The following PIK3CG variants were observed in gnomAD, a reference collection of about 807,000 sequenced individuals.
PIK3CG encodes phosphatidylinositol 4,5-bisphosphate 3-kinase catalytic subunit gamma isoform.
PIK3CG carries 55 observed loss-of-function variants against 102.3 expected under a neutral mutation model. The observed-to-expected ratio is 0.54, with a 90% CI of 0.43 to 0.67. The LOEUF is 0.67. Ranked by LOEUF, PIK3CG falls within the 30% of genes least tolerant of loss-of-function variation. The probability of loss-of-function intolerance (pLI) is 0.00; values close to 1 mark genes in which losing one functional copy is unlikely to be tolerated. For missense variants in PIK3CG, 1,258 were observed against 1,391.8 expected, an observed-to-expected ratio of 0.90 and a Z score of 1.53; for synonymous variants, 552 against 540.0, an observed-to-expected ratio of 1.02 and a Z score of -0.31.
chr7:106,893,869 G>C lies in PIK3CG; in HGVS notation c.3030+7577G>C, dbSNP rs970480257. 2.0e-5 allele frequency among the ~76,000 whole-genome samples: 3 copies of C among 152,140 alleles called. No homozygotes were observed. The East Asian group carries it at 5.8e-4, about 29-fold the overall frequency. Reference sequence around the variant, plus strand: ...AGTCTTCCACACACCTAGGCTATATGATATAGCCTATTGCTCCCAGGCTCC... The same window carrying C: ...AGTCTTCCACACACCTAGGCTATATCATATAGCCTATTGCTCCCAGGCTCC... On this transcript the variant is annotated intron_variant, in intron 10 of 10. Coordinates refer to ENST00000496166, the MANE Select transcript of PIK3CG (RefSeq NM_001282426.2). This position sits in a 1 kb window ranked among gnomAD's most constrained non-coding sequence, Gnocchi z 4.4.
rs549574394 is a variant in PIK3CG, at chr7:106,904,330, GTTTTC to G, written c.3031-775_3031-771del. ...AATATATATATAATCACTAACTTTA[GTTTTC>G]TTTAATATACTATCTTTGTCAAGTT... On this transcript the variant is annotated intron_variant, in intron 10 of 10. Coordinates refer to ENST00000496166, the MANE Select transcript of PIK3CG (RefSeq NM_001282426.2). 1.2e-3 allele frequency among the ~76,000 whole-genome samples: 185 copies of G among 152,090 alleles called. 1 individual carries two copies. Among genetic ancestry groups the G allele is most frequent in the African/African-American group, 4.2e-3 (175 of 41,486 alleles).
rs1396145798 is a variant in PIK3CG, at chr7:106,867,781, G to T, written c.220G>T (p.Val74Leu). ...HGNVEQMKAQVWLRALETSVA... is the reference protein window; with the variant it reads ...HGNVEQMKAQLWLRALETSVA... ...CAACGTGGAGCAGATGAAGGCCCAG[G>T]TGTGGCTGCGAGCGCTGGAGACCAG... The change falls in exon 2 of 11, where the codon GTG becomes TTG. Residue 74 changes from valine (V) to leucine (L), a missense_variant. By Grantham distance (32) the Val-to-Leu change is conservative. This residue lies in a region of PIK3CG where 832 missense variants were observed against 787.5 expected (regional missense o/e 1.06). Coordinates refer to ENST00000496166, the MANE Select transcript of PIK3CG (RefSeq NM_001282426.2). This position sits in a 1 kb window ranked among gnomAD's most constrained non-coding sequence, Gnocchi z 5.1. The T allele has an allele frequency of 1.2e-6, 2 of 1,612,694 alleles. No homozygotes were observed. The highest frequency in any genetic ancestry group is 1.1e-5 in the South Asian group (1 of 91,084).
Position 106,867,942 on chromosome 7 carries a change from C to G in PIK3CG, c.381C>G (p.Ala127=), listed in dbSNP as rs2116426243. ...TGGACTGCCTGCGCTACTGGAAGGCCACGCACCGGAGCCCGGGCCAGATCC... is the reference window on the plus strand; with the variant it reads ...TGGACTGCCTGCGCTACTGGAAGGCGACGCACCGGAGCCCGGGCCAGATCC... ...QTLDCLRYWK[A]THRSPGQIHL... is the part of the protein sequence containing the mutation. Residue 127 remains alanine (A), a synonymous_variant, in exon 2 of 11, where the codon GCC becomes GCG. Coordinates refer to ENST00000496166, the MANE Select transcript of PIK3CG (RefSeq NM_001282426.2). The surrounding 1 kb of genome is among the most constrained non-coding windows in gnomAD (Gnocchi z 5.1). 6.2e-7 allele frequency: 1 copy of G among 1,613,186 alleles called. No individual in the cohort carries two copies. Among genetic ancestry groups the G allele is most frequent in the Non-Finnish European group, 8.5e-7 (1 of 1,179,898 alleles).
intron 10 of PIK3CG, among the ~76,000 whole-genome samples, chr7:106,900,915 T>G (rs751769600): frequency 6.6e-6 from 1 of 152,112 alleles, no homozygotes; most frequent in Non-Finnish European, 1.5e-5. Flanking sequence ...AGGGTTTCAG[T>G]GGAGAGGTCC....
At chr7:106,889,201 C>G (rs1465251116) in intron 10 of PIK3CG, among the ~76,000 whole-genome samples, 1 of 152,180 alleles carries the variant, frequency 6.6e-6, no homozygotes, top group Non-Finnish European at 1.5e-5. Context: ...TCTGCTTACT[C>G]TCTCCCTGTG....
rs751951313 is a variant in PIK3CG, at chr7:106,868,545, C to T, written c.984C>T (p.Asp328=). The T allele has an allele frequency of 1.9e-6, 3 of 1,614,034 alleles. No individual in the cohort carries two copies. The highest frequency in any genetic ancestry group is 3.3e-5 in the Admixed American group (2 of 60,014). ...VRKEEWPLVD[D]CTGVTGYHEQ... ...AGGAAGAGTGGCCACTGGTGGATGACTGCACGGGAGTCACCGGCTACCATG... is the reference window on the plus strand; with the variant it reads ...AGGAAGAGTGGCCACTGGTGGATGATTGCACGGGAGTCACCGGCTACCATG... The change falls in exon 2 of 11, where the codon GAC becomes GAT. Residue 328 remains aspartate, a synonymous_variant. Coordinates refer to ENST00000496166, the MANE Select transcript of PIK3CG (RefSeq NM_001282426.2). The surrounding 1 kb of genome is among the most constrained non-coding windows in gnomAD (Gnocchi z 6.2).
intron 9 of PIK3CG, among the ~76,000 whole-genome samples, chr7:106,885,563 T>C (rs887428954): frequency 3.9e-5 from 6 of 152,064 alleles, no homozygotes; most frequent in African/African-American, 1.2e-4. Flanking sequence ...ACAATAGAAA[T>C]GATAAAGGGC....
chr7:106,872,671 C>T lies in PIK3CG; in HGVS notation c.2062-42C>T, dbSNP rs2116484038. 6.3e-7 allele frequency: 1 copy of T among 1,588,846 alleles called. No individual in the cohort carries two copies. Among genetic ancestry groups the T allele is most frequent in the Non-Finnish European group, 8.6e-7 (1 of 1,156,868 alleles). ...CAAGAATTAACTGGTAGACCTAAAG[C>T]ATTAGTCATAATAATTTCAACTTTC... On this transcript the variant is annotated intron_variant, in intron 3 of 10. Coordinates refer to ENST00000496166, the MANE Select transcript of PIK3CG (RefSeq NM_001282426.2). The surrounding 1 kb of genome is among the most constrained non-coding windows in gnomAD (Gnocchi z 5.3).
In PIK3CG at chr7:106,883,290, C is replaced by T. The variant is rs1246744122; in HGVS notation, c.2760+127C>T. On this transcript the variant is annotated intron_variant, in intron 8 of 10. Coordinates refer to ENST00000496166, the MANE Select transcript of PIK3CG (RefSeq NM_001282426.2). The surrounding 1 kb of genome is among the most constrained non-coding windows in gnomAD (Gnocchi z 5.8). ...CCTGACATATTAGTGAAGTTTTTTA[C>T]TTGTGAAATAATGGAGGTTTTAAGT... The T allele has an allele frequency of 1.0e-6, 1 of 973,764 alleles. No individual in the cohort carries two copies. The highest frequency in any genetic ancestry group is 1.6e-5 in the African/African-American group (1 of 60,984). The allele number at this position is 973,764 out of a possible 1,614,324, so 60.3% of individuals were successfully genotyped here. A position where few individuals can be genotyped will look rare whatever the true frequency, so the allele number is the denominator to read the frequency against.
In PIK3CG at chr7:106,886,194, A is replaced by G; in HGVS notation, c.2932A>G (p.Ile978Val). The G allele has an allele frequency of 6.2e-7, 1 of 1,614,146 alleles. No individual in the cohort carries two copies. Among genetic ancestry groups the G allele is most frequent in the Non-Finnish European group, 8.5e-7 (1 of 1,179,974 alleles). Residue 978 changes from isoleucine (I) to valine (V), a missense_variant, in exon 10 of 11, where the codon ATT (isoleucine) becomes GTT (valine). Physicochemically the swap from Ile to Val is conservative, Grantham distance 29 (BLOSUM62 3). This residue lies in a region of PIK3CG where 426 missense variants were observed against 604.2 expected (regional missense o/e 0.71). Transcript: ENST00000496166. ...ILGNYKSFLG[I>V]NKERVPFVLT... ...TGGGAATTACAAAAGTTTCCTGGGC[A>G]TTAATAAAGAGAGAGTGCCATTTGT...
In PIK3CG at chr7:106,867,445, T is replaced by G; in HGVS notation, c.-12-105T>G. ...AAAATACTTGGTCCCTCTGGGTCCC[T>G]GTGCACATGTACGCCGCCTATACCT... On this transcript the variant is annotated intron_variant, in intron 1 of 10. Transcript: ENST00000496166. This position sits in a 1 kb window ranked among gnomAD's most constrained non-coding sequence, Gnocchi z 5.1. 2 of 1,024,658 alleles carry G rather than the reference T, an allele frequency of 2.0e-6. No homozygotes were observed. Among genetic ancestry groups the G allele is most frequent in the Non-Finnish European group, 2.9e-6 (2 of 691,882 alleles). 63.5% of individuals were successfully genotyped at this position (1,024,658 alleles called of 1,614,324 possible). A position where few individuals can be genotyped will look rare whatever the true frequency, so the allele number is the denominator to read the frequency against.
rs891937890 is a variant in PIK3CG, at chr7:106,872,494, C to G, written c.1996-43C>G. ...CATTTCCTTTTCCCTGATTCAACGA[C>G]ATAGAGTACAGTCCTACAAATGCCA... On this transcript the variant is annotated intron_variant, in intron 2 of 10. Coordinates refer to ENST00000496166, the MANE Select transcript of PIK3CG (RefSeq NM_001282426.2). The surrounding 1 kb of genome is among the most constrained non-coding windows in gnomAD (Gnocchi z 5.3). 2.0e-6 allele frequency: 3 copies of G among 1,472,236 alleles called. No individual in the cohort carries two copies. The African/African-American group carries it at 4.1e-5, about 20-fold the overall frequency. 91.2% of individuals were successfully genotyped at this position (1,472,236 alleles called of 1,614,324 possible).
rs1024580338 is a variant in PIK3CG, at chr7:106,893,867, A to G, written c.3030+7575A>G. ...GTAGTCTTCCACACACCTAGGCTAT[A>G]TGATATAGCCTATTGCTCCCAGGCT... is the stretch of plus-strand genomic sequence containing the variant. On this transcript the variant is annotated intron_variant, in intron 10 of 10. Coordinates refer to ENST00000496166, the MANE Select transcript of PIK3CG (RefSeq NM_001282426.2). The surrounding 1 kb of genome is among the most constrained non-coding windows in gnomAD (Gnocchi z 4.4). Among the ~76,000 whole-genome samples, 1 of 152,194 alleles carries G rather than the reference A, an allele frequency of 6.6e-6. No individual in the cohort carries two copies. The highest frequency in any genetic ancestry group is 2.4e-5 in the African/African-American group (1 of 41,458).
At chr7:106,886,402 C>A (rs41276178) in intron 10 of PIK3CG, 110 bp downstream of exon 10, 1 of 1,016,864 alleles carries the variant, frequency 9.8e-7, no homozygotes, top group Non-Finnish European at 1.4e-6. Flanking sequence ...CCAGCCTCTA[C>A]CCCTACCCTC....
chr7:106,874,288 A>C lies in PIK3CG; in HGVS notation c.2288-412A>C, dbSNP rs1312082006. The stretch of plus-strand genomic sequence containing the variant: ...TCTGAAAAGAAATTACAGAACCCTA[A>C]CCAAATTCCATGTATTATTTTCTTA... On this transcript the variant is annotated intron_variant, in intron 4 of 10. Coordinates refer to ENST00000496166, the MANE Select transcript of PIK3CG (RefSeq NM_001282426.2). This position sits in a 1 kb window ranked among gnomAD's most constrained non-coding sequence, Gnocchi z 4.3. Among the ~76,000 whole-genome samples, 1 of 152,206 alleles carries C rather than the reference A, an allele frequency of 6.6e-6. No individual in the cohort carries two copies. The highest frequency in any genetic ancestry group is 2.4e-5 in the African/African-American group (1 of 41,450).
At chr7:106,876,898 AT>A (rs1790765598) in intron 5 of PIK3CG, among the ~76,000 whole-genome samples, 1 of 152,118 alleles carries the variant, frequency 6.6e-6, no homozygotes, top group Non-Finnish European at 1.5e-5. Flanking sequence ...TTAGTGTCTT[AT>A]CTAAGAAATC....
rs900306714 is a variant in PIK3CG, at chr7:106,878,961, C to A, written c.2392-558C>A. On this transcript the variant is annotated intron_variant, in intron 5 of 10. Transcript: ENST00000496166. ...TATGTTTAAGTGAGTAACTGCCAAG[C>A]CACATTTCCCCTGCCTTGAATTTAT... Among the ~76,000 whole-genome samples the A allele has an allele frequency of 3.9e-5, 6 of 152,286 alleles. No individual in the cohort carries two copies. The East Asian group carries it at 7.7e-4, about 20-fold the overall frequency.
At position 106,890,803 on chromosome 7, in the gene PIK3CG, C is replaced by T. The variant is rs575848856; in HGVS notation, c.3030+4511C>T. On this transcript the variant is annotated intron_variant, in intron 10 of 10. Transcript: ENST00000496166. This position sits in a 1 kb window ranked among gnomAD's most constrained non-coding sequence, Gnocchi z 4.2. Reference sequence around the variant, plus strand: ...CCCTGTGTGAGGCTGTCCCTCCAGCCTCATGCCACACTGTTCCCCTCATCT... The same window carrying T: ...CCCTGTGTGAGGCTGTCCCTCCAGCTTCATGCCACACTGTTCCCCTCATCT... 7.9e-4 allele frequency among the ~76,000 whole-genome samples: 121 copies of T among 152,340 alleles called. No individual in the cohort carries two copies. Among genetic ancestry groups the T allele is most frequent in the East Asian group, 7.7e-4 (4 of 5,178 alleles).
At chr7:106,873,622 C>T (rs1790615262) in intron 4 of PIK3CG, among the ~76,000 whole-genome samples, 1 of 152,166 alleles carries the variant, frequency 6.6e-6, no homozygotes, top group South Asian at 2.1e-4. Context: ...AAATACTATA[C>T]CATTTTATAT....
Sources: gnomAD v4.1 joint callset for allele counts (sites outside exome capture counted in the v4.1 genomes callset) on GRCh38, gnomAD v4.1.1 for gene constraint, gnomAD v4.1.1 regional missense constraint, Gnocchi (gnomAD v3.1) non-coding constraint, MANE v1.5 for transcripts, NCBI Gene and HGNC (gene_info 2026-07-23, HGNC 2026-07-21) for gene names.